PTPRR: variants seen among roughly 807,000 people sequenced by gnomAD.
The protein encoded by PTPRR is protein tyrosine phosphatase receptor type R.
A neutral mutation model predicts 77.2 loss-of-function variants in PTPRR; 38 were observed. The observed-to-expected ratio is 0.49, with a 90% confidence interval of 0.38 to 0.65. The LOEUF (loss-of-function observed/expected upper bound fraction) is 0.65. PTPRR is among the 30% of genes least tolerant of loss of function. The pLI is 0.00. For synonymous variants in PTPRR, 299 were observed against 283.1 expected, an observed-to-expected ratio of 1.06 and a Z score of -0.57; for missense variants, 744 against 799.2, an observed-to-expected ratio of 0.93 and a Z score of 0.83.
intron 6 of PTPRR, among the ~76,000 whole-genome samples, chr12:70,735,654 C>T (rs1311296741): frequency 2.6e-5 from 4 of 152,162 alleles, no homozygotes; most frequent in Admixed American, 6.5e-5. Context: ...ATGGTAGTTA[C>T]GTGCAGATTT....
chr12:70,909,079 T>C (rs7306954), intron 1 of PTPRR, among the ~76,000 whole-genome samples: 8 of 152,048 alleles, frequency 5.3e-5, no homozygotes, highest in African/African-American at 1.7e-4. Flanking sequence ...GAAGGGCTGG[T>C]GGAGGGAGGA....
rs1297403880 is a variant in PTPRR at position 70,684,779 on chromosome 12, G to A, written c.1284C>T (p.Pro428=). The A allele has an allele frequency of 1.9e-6, 3 of 1,594,938 alleles. No homozygotes were observed. Among genetic ancestry groups the A allele is most frequent in the Non-Finnish European group, 2.6e-6 (3 of 1,170,036 alleles). The change falls in exon 9 of 14, where the codon CCC becomes CCT. Residue 428 remains proline (P), a synonymous_variant. Coordinates refer to ENST00000283228, the MANE Select transcript of PTPRR (RefSeq NM_002849.4). The part of the protein sequence containing the change: ...KNRYKTILPN[P]LSRVCLRPKN... ...TTGGTCTTAAACACACTCTGCTGAGGGGATCTAATGAAGAAAACAAAAAAG... is the reference window on the plus strand; with the variant it reads ...TTGGTCTTAAACACACTCTGCTGAGAGGATCTAATGAAGAAAACAAAAAAG...
chr12:70,814,211 T>C (rs778299317), intron 2 of PTPRR, among the ~76,000 whole-genome samples: 1 of 152,208 alleles, frequency 6.6e-6, no homozygotes, highest in Non-Finnish European at 1.5e-5. Context: ...TCATTTGACC[T>C]AGAGGGGCAG....
intron 6 of PTPRR, among the ~76,000 whole-genome samples, chr12:70,718,536 T>C (rs1353771219): frequency 6.6e-6 from 1 of 152,174 alleles, no homozygotes. Context: ...AATGCTGGGA[T>C]TACAGGTGTG....
intron 2 of PTPRR, among the ~76,000 whole-genome samples, chr12:70,863,120 A>G (rs1892782481): frequency 6.6e-6 from 1 of 152,184 alleles, no homozygotes; most frequent in Admixed American, 6.5e-5. Flanking sequence ...ATAATACGTA[A>G]TAACTTACAT....
chr12:70,753,797 G>C (rs142818604), intron 5 of PTPRR, among the ~76,000 whole-genome samples: 2 of 152,142 alleles, frequency 1.3e-5, no homozygotes, highest in East Asian at 1.9e-4. Context: ...TTGTCTCAAA[G>C]ACATATCTCT....
At chr12:70,719,656 G>A (rs568779032) in intron 6 of PTPRR, among the ~76,000 whole-genome samples, 27 of 152,104 alleles carry the variant, frequency 1.8e-4, no homozygotes, top group Non-Finnish European at 3.5e-4. Flanking sequence ...AAGGCCTTCC[G>A]ATGGATACCA....
intron 4 of PTPRR, chr12:70,754,662 C>A: frequency 1.9e-6 from 3 of 1,597,452 alleles, no homozygotes; most frequent in South Asian, 2.2e-5. Context: ...TGTTTTAAGT[C>A]CCCTCCCACA....
intron 1 of PTPRR, among the ~76,000 whole-genome samples, chr12:70,920,022 T>C (rs976245245): frequency 1.8e-4 from 27 of 151,946 alleles, no homozygotes; most frequent in African/African-American, 6.5e-4. Flanking sequence ...GTTAAGTGCA[T>C]AGCCTAGAAA....
At chr12:70,666,442 C>G (rs1281648624) in intron 10 of PTPRR, among the ~76,000 whole-genome samples, 1 of 152,068 alleles carries the variant, frequency 6.6e-6, no homozygotes, top group South Asian at 2.1e-4. Context: ...TACCAAAACA[C>G]CTTTATGGCA....
At chr12:70,843,298 T>C (rs1441703131) in intron 2 of PTPRR, among the ~76,000 whole-genome samples, 1 of 152,212 alleles carries the variant, frequency 6.6e-6, no homozygotes, top group Non-Finnish European at 1.5e-5. Context: ...GAAATGTCGA[T>C]TGCAAATTAA....
At chr12:70,773,639 C>G (rs1891028775) in intron 2 of PTPRR, among the ~76,000 whole-genome samples, 1 of 152,098 alleles carries the variant, frequency 6.6e-6, no homozygotes, top group Admixed American at 6.6e-5. Flanking sequence ...AATCCAGACA[C>G]AATTTGAAAT....
chr12:70,642,436 C>T (rs1592626748), intron 13 of PTPRR, among the ~76,000 whole-genome samples: 1 of 152,104 alleles, frequency 6.6e-6, no homozygotes, highest in Admixed American at 6.5e-5. Flanking sequence ...TTGTGTCTCC[C>T]AGGTATTTAA....
At chr12:70,675,140 G>C (rs918629701) in intron 10 of PTPRR, among the ~76,000 whole-genome samples, 4 of 151,920 alleles carry the variant, frequency 2.6e-5, no homozygotes, top group Admixed American at 2.6e-4. Context: ...TATCTAACTT[G>C]ACTTTTGATT....
At chr12:70,639,707 G>C (rs76256086) in intron 13 of PTPRR, 3,098 of 156,482 alleles carry the variant, frequency 0.02, 121 homozygotes, top group African/African-American at 0.071. Context: ...AACTACTGCT[G>C]TGAAGGTTAA....
chr12:70,894,205 T>C (rs1893386663), intron 1 of PTPRR, among the ~76,000 whole-genome samples: 1 of 151,866 alleles, frequency 6.6e-6, no homozygotes, highest in Admixed American at 6.6e-5. Context: ...CTACTATTTT[T>C]ATCTTTTACT....
intron 2 of PTPRR, among the ~76,000 whole-genome samples, chr12:70,771,653 T>C (rs145493923): frequency 2.6e-5 from 4 of 152,196 alleles, no homozygotes; most frequent in African/African-American, 9.6e-5. Flanking sequence ...TTCATTGAAA[T>C]GTGCCTTGAA....
At chr12:70,811,753 C>T (rs955731379) in intron 2 of PTPRR, among the ~76,000 whole-genome samples, 7 of 152,158 alleles carry the variant, frequency 4.6e-5, no homozygotes, top group Admixed American at 3.9e-4. Context: ...TCCACACTAC[C>T]AATGAGGAAG....
At chr12:70,822,198 G>A (rs995418640) in intron 2 of PTPRR, among the ~76,000 whole-genome samples, 1 of 152,152 alleles carries the variant, frequency 6.6e-6, no homozygotes, top group Non-Finnish European at 1.5e-5. Flanking sequence ...CTAACATGGA[G>A]AACAGAGAAC....
Sources: allele counts gnomAD v4.1 joint callset (sites outside exome capture counted in the v4.1 genomes callset), GRCh38; gene constraint gnomAD v4.1.1; transcripts MANE v1.5; gene names NCBI Gene and HGNC (gene_info 2026-07-23, HGNC 2026-07-21).